Variants in PTPRD observed in about 807,000 individuals in gnomAD.
PTPRD encodes the protein protein tyrosine phosphatase receptor type D, also known as receptor-type tyrosine-protein phosphatase delta.
In PTPRD, 34 loss-of-function variants were observed where a neutral mutation model predicts 214.5. The ratio of observed to expected loss-of-function variants is 0.16; its 90% CI spans 0.12 to 0.21. The LOEUF is 0.21. Among genes scored for constraint, PTPRD ranks in the 10% least tolerant of loss-of-function variants. The probability of loss-of-function intolerance (pLI) is 1.00; values close to 1 mark genes in which losing one functional copy is unlikely to be tolerated. For missense variants in PTPRD, 2,545 were observed against 2,398.7 expected, an observed-to-expected ratio of 1.06 and a Z score of -1.27; for synonymous variants, 1,128 against 845.7, an observed-to-expected ratio of 1.33 and a Z score of -5.79.
chr9:9,908,141 T>A (rs2153821628), intron 5 of PTPRD, among the ~76,000 whole-genome samples: 1 of 151,886 alleles, frequency 6.6e-6, no homozygotes, highest in East Asian at 1.9e-4. Flanking sequence ...AAGTATCTAG[T>A]TGGGCAAAGG....
chr9:8,770,574 G>T (rs1429288973), intron 11 of PTPRD, among the ~76,000 whole-genome samples: 1 of 152,162 alleles, frequency 6.6e-6, no homozygotes, highest in Non-Finnish European at 1.5e-5. Flanking sequence ...TGACTGAGAA[G>T]CTTTCACTAA....
chr9:9,380,677 A>G (rs892321420), intron 9 of PTPRD, among the ~76,000 whole-genome samples: 19 of 152,286 alleles, frequency 1.2e-4, no homozygotes, highest in South Asian at 6.2e-4. Flanking sequence ...TGAAGTGTCT[A>G]TAGATGCCAA....
At chr9:8,756,998 G>A (rs540761341) in intron 11 of PTPRD, among the ~76,000 whole-genome samples, 7 of 151,856 alleles carry the variant, frequency 4.6e-5, no homozygotes, top group East Asian at 1.9e-4. Context: ...AAAAATTAGC[G>A]GGGTATGGTG....
At position 9,257,843 on chromosome 9, in the gene PTPRD, G is replaced by A. The variant is rs118115861; in HGVS notation, c.-202-74480C>T. Among the ~76,000 whole-genome samples the A allele has an allele frequency of 2.6e-3, 393 of 151,796 alleles. 2 individuals are homozygous for A. The highest frequency in any genetic ancestry group is 4.4e-3 in the Non-Finnish European group (302 of 67,882). ...ATGCCAACTCTATGCAAACTAGCAG[G>A]GACATTAGGGACAAGTGGTCTTAAA... On this transcript the variant is annotated intron_variant, in intron 9 of 45. Coordinates refer to ENST00000381196, the MANE Select transcript of PTPRD (RefSeq NM_002839.4).
intron 10 of PTPRD, among the ~76,000 whole-genome samples, chr9:9,053,846 G>A (rs1483064185): frequency 6.6e-6 from 1 of 152,028 alleles, no homozygotes; most frequent in African/African-American, 2.4e-5. Context: ...TGCACTTATG[G>A]TACAATCTTT....
At chr9:9,322,779 T>C (rs991059747) in intron 9 of PTPRD, among the ~76,000 whole-genome samples, 5 of 152,176 alleles carry the variant, frequency 3.3e-5, no homozygotes, top group African/African-American at 9.7e-5. Flanking sequence ...ATCTGTACTT[T>C]TGTTGAGGTG....
At chr9:8,898,556 T>A (rs1445625889) in intron 11 of PTPRD, among the ~76,000 whole-genome samples, 1 of 152,244 alleles carries the variant, frequency 6.6e-6, no homozygotes. Context: ...ATTTTACATA[T>A]ATAAAATAGC....
intron 9 of PTPRD, among the ~76,000 whole-genome samples, chr9:9,321,556 G>GAAAAAAAA (rs3048028): frequency 6.5e-5 from 9 of 138,438 alleles, no homozygotes; most frequent in Non-Finnish European, 7.7e-5. Context: ...ACTCCACTGA[G>GAAAAAAAA]AAAAAAAAAA....
At chr9:8,983,199 C>T (rs2099322321) in intron 11 of PTPRD, among the ~76,000 whole-genome samples, 1 of 151,850 alleles carries the variant, frequency 6.6e-6, no homozygotes, top group Admixed American at 6.6e-5. Flanking sequence ...CAAAATTAAC[C>T]TACCTGGATG....
chr9:9,923,172 TAAGACAAA>T (rs1471188330), intron 5 of PTPRD, among the ~76,000 whole-genome samples: 4 of 144,522 alleles, frequency 2.8e-5, no homozygotes, highest in Admixed American at 2.8e-4. Flanking sequence ...AGGAAGCAAA[TAAGACAAA>T]TGTTAACTCT....
At chr9:9,006,824 A>T (rs1210015634) in intron 11 of PTPRD, among the ~76,000 whole-genome samples, 4 of 151,978 alleles carry the variant, frequency 2.6e-5, no homozygotes, top group Admixed American at 2.6e-4. Flanking sequence ...ATGGAAAAAA[A>T]CTCTATTTAA....
chr9:9,766,687 G>A (rs372275401), intron 6 of PTPRD, 123 bp downstream of exon 6: 68 of 152,186 alleles, frequency 4.5e-4, no homozygotes, highest in African/African-American at 1.6e-3. Context: ...CATATTACCA[G>A]ACAAAAAGTG....
chr9:8,741,617 T>A (rs2154446012), intron 11 of PTPRD, among the ~76,000 whole-genome samples: 1 of 128,430 alleles, frequency 7.8e-6, no homozygotes, highest in South Asian at 2.5e-4. Context: ...GAAGTCTCAT[T>A]CTGTTGCCCA....
intron 7 of PTPRD, among the ~76,000 whole-genome samples, chr9:9,578,600 G>A (rs919446723): frequency 6.6e-6 from 1 of 152,042 alleles, no homozygotes; most frequent in African/African-American, 2.4e-5. Context: ...TAATTTTAAA[G>A]ACAGTTTGTT....
At chr9:9,956,114 C>A (rs1251553431) in intron 4 of PTPRD, among the ~76,000 whole-genome samples, 1 of 151,900 alleles carries the variant, frequency 6.6e-6, no homozygotes, top group Non-Finnish European at 1.5e-5. Context: ...TAGAAATGTC[C>A]AATCTAATAT....
chr9:9,780,490 T>C (rs544053063), intron 5 of PTPRD, among the ~76,000 whole-genome samples: 8 of 152,174 alleles, frequency 5.3e-5, no homozygotes, highest in African/African-American at 7.2e-5. Context: ...ATAACAAATA[T>C]GCATATGAAA....
chr9:8,752,491 T>C (rs1468797121), intron 11 of PTPRD, among the ~76,000 whole-genome samples: 1 of 152,212 alleles, frequency 6.6e-6, no homozygotes, highest in African/African-American at 2.4e-5. Flanking sequence ...GCTCTGTCTA[T>C]GGAGTTAGCC....
At chr9:10,069,866 A>G (rs2097963322) in intron 3 of PTPRD, among the ~76,000 whole-genome samples, 2 of 152,024 alleles carry the variant, frequency 1.3e-5, no homozygotes, top group East Asian at 1.9e-4. Flanking sequence ...AATAATTAAT[A>G]TCTACTAAAT....
chr9:10,430,277 T>C (rs2098665323), intron 2 of PTPRD, among the ~76,000 whole-genome samples: 1 of 151,974 alleles, frequency 6.6e-6, no homozygotes, highest in East Asian at 1.9e-4. Flanking sequence ...TTGATCCTTT[T>C]ATCTCAAAAT....
Sources: allele counts gnomAD v4.1 joint callset (sites outside exome capture counted in the v4.1 genomes callset), GRCh38; gene constraint gnomAD v4.1.1; transcripts MANE v1.5; gene names NCBI Gene and HGNC (gene_info 2026-07-23, HGNC 2026-07-21).